Variants in PAOX observed in about 807,000 individuals in gnomAD.
The protein encoded by PAOX is peroxisomal N(1)-acetyl-spermine/spermidine oxidase.
Under a neutral mutation model 39.0 loss-of-function variants are expected in PAOX, and 38 were observed. That is an observed-to-expected ratio of 0.97 (90% CI 0.75 to 1.28). The LOEUF is 1.28. PAOX is among the 50% of genes most tolerant of loss of function. The pLI is 0.00. For synonymous variants in PAOX, 311 were observed against 314.4 expected, an observed-to-expected ratio of 0.99 and a Z score of 0.11; for missense variants, 667 against 685.7, an observed-to-expected ratio of 0.97 and a Z score of 0.30.
intron 1 of PAOX, 107 bp from the exon 2 acceptor site, chr10:133,379,892 G>A: frequency 1.4e-6 from 2 of 1,419,702 alleles, no homozygotes; most frequent in Non-Finnish European, 1.9e-6. Flanking sequence ...GGGACAGTGT[G>A]GTACATCCTC....
chr10:133,380,675 G>A (rs866059574), intron 2 of PAOX, among the ~76,000 whole-genome samples, 190 bp downstream of exon 2: 9 of 152,350 alleles, frequency 5.9e-5, no homozygotes, highest in Middle Eastern at 3.4e-3. Flanking sequence ...CTGAGAGAGA[G>A]TGTTTAAAAG....
intron 4 of PAOX, among the ~76,000 whole-genome samples, chr10:133,387,565 C>T (rs974398305): frequency 6.6e-6 from 1 of 152,212 alleles, no homozygotes; most frequent in Non-Finnish European, 1.5e-5. Flanking sequence ...AAATACCACA[C>T]CATGATTTGT....
Position 133,391,548 on chromosome 10 carries a change from A to AT in PAOX, c.*94dup. On this transcript the variant is annotated 3_prime_UTR_variant, in exon 7 of 7. Transcript: ENST00000278060. ...TTTCAGTCTGGCTTGAAATTTGGGG[A>AT]TGTTAATGAGGGTCCTCTGGTTTTT... 1 of 1,485,096 alleles carries AT rather than the reference A, an allele frequency of 6.7e-7. No individual in the cohort carries two copies. Among genetic ancestry groups the AT allele is most frequent in the South Asian group, 1.4e-5 (1 of 73,040 alleles). The allele number at this position is 1,485,096 out of a possible 1,614,324, so 92.0% of individuals were successfully genotyped here.
At chr10:133,385,479 G>A (rs965117251) in intron 4 of PAOX, among the ~76,000 whole-genome samples, 2 of 152,154 alleles carry the variant, frequency 1.3e-5, no homozygotes, top group African/African-American at 4.8e-5. Context: ...TCTGTGGCAC[G>A]GGGTGGTAGC....
In PAOX at chr10:133,381,477, C is replaced by A. The variant is rs370274824; in HGVS notation, c.686C>A (p.Thr229Lys). Reference protein sequence around the residue: ...CTFSKGYQGLTNCMMAALPED... With the variant: ...CTFSKGYQGLKNCMMAALPED... ...CTTTCTAGGGGCTATCAAGGACTCACAAACTGCATGATGGCCGCCCTGCCG... is the reference window on the plus strand; with the variant it reads ...CTTTCTAGGGGCTATCAAGGACTCAAAAACTGCATGATGGCCGCCCTGCCG... Residue 229 changes from threonine (T) to lysine (K), a missense_variant, in exon 3 of 7, where the codon ACA becomes AAA. Physicochemically the swap from Thr to Lys is moderately conservative, Grantham distance 78. Transcript: ENST00000278060. 1.9e-6 allele frequency: 3 copies of A among 1,613,788 alleles called. No individual in the cohort carries two copies. The highest frequency in any genetic ancestry group is 2.5e-6 in the Non-Finnish European group (3 of 1,180,026).
chr10:133,384,194 T>G lies in PAOX; in HGVS notation c.1103T>G (p.Val368Gly), dbSNP rs1375740264. ...TGGTTCCGGAAGCTCATTGGCTTTGTGGTCCTGCCTGCCTTTGCGTACGTT... is the reference window on the plus strand; with the variant it reads ...TGGTTCCGGAAGCTCATTGGCTTTGGGGTCCTGCCTGCCTTTGCGTACGTT... The part of the protein sequence containing the change: ...DAWFRKLIGF[V>G]VLPAFASVHV... Residue 368 changes from valine to glycine, a missense_variant, in exon 4 of 7, where the codon GTG becomes GGG. Physicochemically the swap from Val to Gly is moderately radical, Grantham distance 109. Transcript: ENST00000278060. This position sits in a 1 kb window ranked among gnomAD's most constrained non-coding sequence, Gnocchi z 4.3. The G allele has an allele frequency of 1.9e-6, 3 of 1,613,708 alleles. No individual in the cohort carries two copies. Among genetic ancestry groups the G allele is most frequent in the African/African-American group, 2.7e-5 (2 of 74,936 alleles).
At chr10:133,391,223 G>A in intron 6 of PAOX, 89 bp from the exon 7 acceptor site, 1 of 1,338,218 alleles carries the variant, frequency 7.5e-7, no homozygotes, top group Non-Finnish European at 1.1e-6. Flanking sequence ...GCTTCTTGGT[G>A]GATGCTTGTG....
chr10:133,385,648 A>C (rs993911193), intron 4 of PAOX, among the ~76,000 whole-genome samples: 1 of 152,022 alleles, frequency 6.6e-6, no homozygotes, highest in Non-Finnish European at 1.5e-5. Flanking sequence ...CAGTGGTGCA[A>C]TCTTGGCTCA....
Position 133,380,453 on chromosome 10 carries a change from C to T in PAOX, c.636C>T (p.Thr212=), listed in dbSNP as rs770431068. The T allele has an allele frequency of 6.2e-6, 10 of 1,611,192 alleles. No homozygotes were observed. Among genetic ancestry groups the T allele is most frequent in the South Asian group, 3.3e-5 (3 of 91,072 alleles). Residue 212 remains threonine, a synonymous_variant, in exon 2 of 7, where the codon ACC becomes ACT. Coordinates refer to ENST00000278060, the MANE Select transcript of PAOX (RefSeq NM_152911.4). ...CCCTGGCACCCTTTGGGGAGTATAC[C>T]GTGCTGCCGGGGCTGGACTGCACCT... The part of the protein sequence containing the change: ...LVALAPFGEY[T]VLPGLDCTFS...
At chr10:133,383,172 C>T (rs1017067019) in intron 3 of PAOX, among the ~76,000 whole-genome samples, 3 of 151,928 alleles carry the variant, frequency 2.0e-5, no homozygotes, top group South Asian at 2.1e-4. Context: ...GAGACCAGAG[C>T]GAAACTCCGT....
Position 133,380,018 on chromosome 10 carries a change from C to T in PAOX, c.201C>T (p.Gly67=), listed in dbSNP as rs1240652010. ...TCGCAGGTGGCGTGGTGGAGGTGGGCGCGCACTGGATCCATGGGCCCTCCC... is the reference window on the plus strand; with the variant it reads ...TCGCAGGTGGCGTGGTGGAGGTGGGTGCGCACTGGATCCATGGGCCCTCCC... ...ERCFGGVVEV[G]AHWIHGPSRG... The change falls in exon 2 of 7, where the codon GGC becomes GGT. Residue 67 remains glycine, a synonymous_variant. Coordinates refer to ENST00000278060, the MANE Select transcript of PAOX (RefSeq NM_152911.4). The T allele has an allele frequency of 1.1e-5, 17 of 1,514,792 alleles. 1 individual carries two copies. Among genetic ancestry groups the T allele is most frequent in the Non-Finnish European group, 1.4e-5 (16 of 1,136,966 alleles). 93.8% of individuals were successfully genotyped at this position (1,514,792 alleles called of 1,614,324 possible). A position where few individuals can be genotyped will look rare whatever the true frequency, so the allele number is the denominator to read the frequency against.
Position 133,380,104 on chromosome 10 carries a change from C to A in PAOX, c.287C>A (p.Ser96Tyr). 7 of 1,566,104 alleles carry A rather than the reference C, an allele frequency of 4.5e-6. No homozygotes were observed. The highest frequency in any genetic ancestry group is 6.1e-6 in the Non-Finnish European group (7 of 1,156,134). The change falls in exon 2 of 7, where the codon TCC (serine) becomes TAC (tyrosine). Residue 96 changes from serine (S) to tyrosine (Y), a missense_variant. Ser to Tyr is a moderately radical substitution (Grantham distance 144, BLOSUM62 -2). Transcript: ENST00000278060. ...GGGCTGCTGGGGGAGAAGGAGCTGT[C>A]CCAGGAGAACCAGCTGGTGGAGACC... ...EYGLLGEKEL[S>Y]QENQLVETGG...
Position 133,380,239 on chromosome 10 carries a change from C to G in PAOX, c.422C>G (p.Thr141Ser), listed in dbSNP as rs1448927873. The G allele has an allele frequency of 6.2e-7, 1 of 1,612,886 alleles. No individual in the cohort carries two copies. The highest frequency in any genetic ancestry group is 8.5e-7 in the Non-Finnish European group (1 of 1,180,022). Residue 141 changes from threonine to serine, a missense_variant, in exon 2 of 7, where the codon ACC (threonine) becomes AGC (serine). Coordinates refer to ENST00000278060, the MANE Select transcript of PAOX (RefSeq NM_152911.4). ...CTGTTCTACGGCCTGATAGACCAGA[C>G]CCGGGAGTTCCTGCACGCTGCAGAG... is the stretch of plus-strand genomic sequence containing the variant. ...ATLFYGLIDQ[T>S]REFLHAAETP...
chr10:133,379,769 C>T (rs1849301331), intron 1 of PAOX: 3 of 556,384 alleles, frequency 5.4e-6, no homozygotes, highest in Non-Finnish European at 8.5e-6. Flanking sequence ...GGGGTACGCC[C>T]ACCCTGCGCC....
At chr10:133,390,951 C>G (rs1849659298) in intron 6 of PAOX, 3 of 701,734 alleles carry the variant, frequency 4.3e-6, no homozygotes, top group East Asian at 2.7e-5. Context: ...CCTTTCCCAC[C>G]CATTGGTGGA....
intron 5 of PAOX, 107 bp downstream of exon 5, chr10:133,389,175 C>A: frequency 1.2e-6 from 1 of 865,166 alleles, no homozygotes; most frequent in Non-Finnish European, 2.0e-6. Flanking sequence ...TTGGCTGACT[C>A]TGTACATCTC....
At chr10:133,391,033 G>A (rs1231096917) in intron 6 of PAOX, 2 of 702,384 alleles carry the variant, frequency 2.8e-6, no homozygotes, top group African/African-American at 3.5e-5. Flanking sequence ...GTGGATGCGT[G>A]TGAGCCGTTT....
rs1391072095 is a variant in PAOX at position 133,389,765 on chromosome 10, G to T, written c.1392+18G>T. 1 of 1,460,286 alleles carries T rather than the reference G, an allele frequency of 6.8e-7. No homozygotes were observed. The highest frequency in any genetic ancestry group is 9.0e-7 in the Non-Finnish European group (1 of 1,108,020). 90.5% of individuals were successfully genotyped at this position (1,460,286 alleles called of 1,614,324 possible). On this transcript the variant is annotated intron_variant, in intron 6 of 6. Transcript: ENST00000278060. ...GCGCCCAGGTATGTGGCGTGCCCCA[G>T]TCGGGGGGCGTGGGTCCCGCTGCAG...
chr10:133,385,862 C>T (rs1001002699), intron 4 of PAOX, among the ~76,000 whole-genome samples: 1 of 152,094 alleles, frequency 6.6e-6, no homozygotes, highest in Non-Finnish European at 1.5e-5. Flanking sequence ...GGATTACAGG[C>T]ATGAGCCACC....
Sources: allele counts gnomAD v4.1 joint callset (sites outside exome capture counted in the v4.1 genomes callset), GRCh38; gene constraint gnomAD v4.1.1; non-coding constraint Gnocchi (gnomAD v3.1); transcripts MANE v1.5; gene names NCBI Gene and HGNC (gene_info 2026-07-23, HGNC 2026-07-21).